MARCHF1: variants seen among roughly 807,000 people sequenced by gnomAD.
MARCHF1 encodes membrane associated ring-CH-type finger 1.
A neutral mutation model predicts 54.2 loss-of-function variants in MARCHF1; 40 were observed. The ratio of observed to expected loss-of-function variants is 0.74; its 90% CI spans 0.57 to 0.96. The LOEUF is 0.96. Ranked by LOEUF, MARCHF1 falls within the 40% of genes least tolerant of loss-of-function variation. The pLI is 0.00. For missense variants in MARCHF1, 586 were observed against 656.5 expected, an observed-to-expected ratio of 0.89 and a Z score of 1.17; for synonymous variants, 236 against 236.3, an observed-to-expected ratio of 1.00 and a Z score of 0.01.
intron 4 of MARCHF1, among the ~76,000 whole-genome samples, chr4:163,819,334 G>A (rs1170097829): frequency 1.3e-5 from 2 of 152,022 alleles, no homozygotes; most frequent in African/African-American, 4.8e-5. Context: ...CCCTTCTTCT[G>A]TTTTTCTCAT....
chr4:164,058,078 C>T (rs1321196799), intron 2 of MARCHF1, among the ~76,000 whole-genome samples: 1 of 151,902 alleles, frequency 6.6e-6, no homozygotes, highest in Non-Finnish European at 1.5e-5. Flanking sequence ...ACAATGAAAA[C>T]ACATGGACAC....
intron 8 of MARCHF1, among the ~76,000 whole-genome samples, chr4:163,572,353 C>T (rs1355961977): frequency 2.7e-5 from 4 of 145,826 alleles, no homozygotes; most frequent in African/African-American, 1.0e-4. Flanking sequence ...TGATTCTTCA[C>T]TTGCTTTTCA....
rs113586000 is a variant in MARCHF1, at chr4:164,194,268, C to T, written c.-322-82606G>A. Among the ~76,000 whole-genome samples the T allele has an allele frequency of 4.2e-3, 640 of 152,054 alleles. 7 individuals are homozygous for T. The highest frequency in any genetic ancestry group is 0.014 in the African/African-American group (573 of 41,484). Reference sequence around the variant, plus strand: ...TTCTTTTAGCTTTTTCTGCCTATAGCGCCAACAAAGTATTAAACTTTAAAG... The same window carrying T: ...TTCTTTTAGCTTTTTCTGCCTATAGTGCCAACAAAGTATTAAACTTTAAAG... On this transcript the variant is annotated intron_variant, in intron 1 of 9. Transcript: ENST00000514618.
At chr4:164,041,927 T>A (rs1195469518) in intron 2 of MARCHF1, among the ~76,000 whole-genome samples, 1 of 152,096 alleles carries the variant, frequency 6.6e-6, no homozygotes, top group Non-Finnish European at 1.5e-5. Context: ...GGGGAAAAAA[T>A]GATCCCTTAT....
intron 1 of MARCHF1, among the ~76,000 whole-genome samples, chr4:164,209,177 C>G (rs1246942994): frequency 6.6e-6 from 1 of 152,096 alleles, no homozygotes; most frequent in African/African-American, 2.4e-5. Context: ...GGAAAAATCT[C>G]TGTGGCTTAA....
chr4:163,737,958 AC>A (rs1255577779), intron 4 of MARCHF1, among the ~76,000 whole-genome samples: 1 of 76,332 alleles, frequency 1.3e-5, no homozygotes, highest in African/African-American at 3.0e-5. Context: ...ACACATGCAC[AC>A]GTATGTTTAT....
chr4:164,279,773 A>G (rs1478172233), intron 1 of MARCHF1, among the ~76,000 whole-genome samples: 1 of 151,640 alleles, frequency 6.6e-6, no homozygotes, highest in African/African-American at 2.4e-5. Context: ...TAACTGCTAT[A>G]TTGTTTAACT....
chr4:163,605,669 A>G (rs1045684392), intron 7 of MARCHF1, among the ~76,000 whole-genome samples: 5 of 152,188 alleles, frequency 3.3e-5, no homozygotes, highest in South Asian at 4.1e-4. Flanking sequence ...ATGTCCATCA[A>G]TGAGAGACTG....
chr4:163,875,176 T>G (rs912079988), intron 3 of MARCHF1, among the ~76,000 whole-genome samples: 2 of 152,186 alleles, frequency 1.3e-5, no homozygotes, highest in African/African-American at 4.8e-5. Flanking sequence ...GAATTTTAGT[T>G]TGATGTCTGC....
At chr4:163,950,988 A>G (rs1164601546) in intron 3 of MARCHF1, among the ~76,000 whole-genome samples, 1 of 152,212 alleles carries the variant, frequency 6.6e-6, no homozygotes, top group African/African-American at 2.4e-5. Context: ...ATGAAATGTC[A>G]TAGTATCAGA....
chr4:163,751,165 GTGTGTGTGTT>G (rs1465454732), intron 4 of MARCHF1, among the ~76,000 whole-genome samples: 1 of 151,000 alleles, frequency 6.6e-6, no homozygotes, highest in African/African-American at 2.4e-5. Flanking sequence ...GTGTGTGTGT[GTGTGTGTGTT>G]TGAGACAGAG....
chr4:163,843,863 T>C (rs1325658971), intron 4 of MARCHF1, among the ~76,000 whole-genome samples: 7 of 152,030 alleles, frequency 4.6e-5, no homozygotes, highest in Admixed American at 4.6e-4. Flanking sequence ...TTGATTGGCA[T>C]TTCTTTAATG....
chr4:164,152,874 G>T (rs1729980425), intron 1 of MARCHF1, among the ~76,000 whole-genome samples: 1 of 152,022 alleles, frequency 6.6e-6, no homozygotes, highest in African/African-American at 2.4e-5. Context: ...CTATAGCCTG[G>T]AAGTCCACCC....
At chr4:164,266,190 A>G (rs1733606847) in intron 1 of MARCHF1, among the ~76,000 whole-genome samples, 1 of 152,214 alleles carries the variant, frequency 6.6e-6, no homozygotes, top group Admixed American at 6.6e-5. Flanking sequence ...GGTAATTTAC[A>G]AGGGATACAA....
At chr4:164,260,173 G>A (rs115377014) in intron 1 of MARCHF1, among the ~76,000 whole-genome samples, 2 of 152,060 alleles carry the variant, frequency 1.3e-5, no homozygotes, top group East Asian at 3.8e-4. Context: ...CAGCCTTCAA[G>A]CTTCAGTCTG....
In MARCHF1 at chr4:163,599,803, GCT is replaced by G. The variant is rs571237007; in HGVS notation, c.1010+12466_1010+12467del. Among the ~76,000 whole-genome samples, 236 of 152,258 alleles carry G rather than the reference GCT, an allele frequency of 1.5e-3. 1 individual carries two copies. Among genetic ancestry groups the G allele is most frequent in the African/African-American group, 5.4e-3 (224 of 41,540 alleles). The stretch of plus-strand genomic sequence containing the variant: ...TAAAAACTTCCGAGGTGATTTTGAT[GCT>G]ACTAGTCCAGGGACTCTACTTAGAG... On this transcript the variant is annotated intron_variant, in intron 7 of 9. Transcript: ENST00000514618.
chr4:163,734,069 G>T (rs147070296), intron 4 of MARCHF1, among the ~76,000 whole-genome samples: 1,929 of 152,218 alleles, frequency 0.013, 7 homozygotes, highest in Middle Eastern at 0.031. Flanking sequence ...AACATAATTA[G>T]CTAGGAGGAA....
At chr4:164,005,635 T>G (rs1753270291) in intron 2 of MARCHF1, among the ~76,000 whole-genome samples, 1 of 152,108 alleles carries the variant, frequency 6.6e-6, no homozygotes, top group South Asian at 2.1e-4. Flanking sequence ...CCTTACCTCA[T>G]GGGAAAATTC....
At chr4:164,031,186 A>T (rs1286977895) in intron 2 of MARCHF1, among the ~76,000 whole-genome samples, 2 of 152,158 alleles carry the variant, frequency 1.3e-5, no homozygotes, top group Non-Finnish European at 2.9e-5. Flanking sequence ...TTGGTCATTC[A>T]ATTTGATATT....
Sources: gnomAD v4.1 joint callset for allele counts (sites outside exome capture counted in the v4.1 genomes callset) on GRCh38, gnomAD v4.1.1 for gene constraint, MANE v1.5 for transcripts, NCBI Gene and HGNC (gene_info 2026-07-23, HGNC 2026-07-21) for gene names.